The following ARHGAP44 variants were observed in gnomAD, a reference collection of about 807,000 sequenced individuals.
ARHGAP44 encodes rho GTPase-activating protein 44.
ARHGAP44 carries 43 observed loss-of-function variants against 106.8 expected under a neutral mutation model. The observed-to-expected ratio is 0.40, with a 90% CI of 0.32 to 0.52. The LOEUF is 0.52. Ranked by LOEUF, ARHGAP44 falls within the 20% of genes least tolerant of loss-of-function variation. ARHGAP44 has a pLI of 0.48. For missense variants in ARHGAP44, 866 were observed against 1,050.5 expected (o/e 0.82, Z 2.43); for synonymous variants, 439 against 410.3 (o/e 1.07, Z -0.85).
intron 6 of ARHGAP44, among the ~76,000 whole-genome samples, chr17:12,923,742 C>T (rs2038153822): frequency 6.6e-6 from 1 of 152,194 alleles, no homozygotes; most frequent in Non-Finnish European, 1.5e-5. Context: ...CTGAGTCTAC[C>T]TGTCTTGTAG....
intron 3 of ARHGAP44, among the ~76,000 whole-genome samples, chr17:12,904,324 T>C (rs1475500055): frequency 6.6e-6 from 1 of 152,198 alleles, no homozygotes; most frequent in Non-Finnish European, 1.5e-5. Context: ...GCCAGGATGG[T>C]CTCAATCTCT....
intron 1 of ARHGAP44, among the ~76,000 whole-genome samples, chr17:12,855,016 T>A (rs2035867738): frequency 6.7e-6 from 1 of 148,402 alleles, no homozygotes; most frequent in Non-Finnish European, 1.5e-5. Flanking sequence ...CATGTCTGTA[T>A]ATGTATATAG....
intron 3 of ARHGAP44, among the ~76,000 whole-genome samples, chr17:12,903,706 T>G (rs2037464336): frequency 6.6e-6 from 1 of 152,198 alleles, no homozygotes; most frequent in Admixed American, 6.5e-5. Flanking sequence ...ACCTGAGTAG[T>G]GTACACTGTA....
At chr17:12,962,266 C>T (rs1433806326) in intron 16 of ARHGAP44, among the ~76,000 whole-genome samples, 5 of 152,076 alleles carry the variant, frequency 3.3e-5, no homozygotes, top group African/African-American at 7.2e-5. Context: ...ACTTCCCTCG[C>T]GACTCTGGGC....
intron 1 of ARHGAP44, among the ~76,000 whole-genome samples, chr17:12,828,665 A>G (rs1001776001): frequency 7.6e-6 from 1 of 132,014 alleles, no homozygotes; most frequent in Non-Finnish European, 1.6e-5. Context: ...TTTTAAAGAC[A>G]GAGTCTCTCT....
At chr17:12,841,396 C>T (rs772103154) in intron 1 of ARHGAP44, among the ~76,000 whole-genome samples, 10 of 151,670 alleles carry the variant, frequency 6.6e-5, no homozygotes, top group Admixed American at 2.6e-4. Context: ...CTCAGGAGTC[C>T]GAGACCAGCC....
chr17:12,956,498 GA>G (rs1193689930), intron 14 of ARHGAP44, among the ~76,000 whole-genome samples, 156 bp from the exon 15 acceptor site: 1 of 152,192 alleles, frequency 6.6e-6, no homozygotes, highest in Non-Finnish European at 1.5e-5. Flanking sequence ...TCAGAAAGGT[GA>G]AGATTCCCTC....
chr17:12,864,914 A>G (rs569850237), intron 1 of ARHGAP44, among the ~76,000 whole-genome samples: 23 of 152,320 alleles, frequency 1.5e-4, no homozygotes, highest in African/African-American at 4.8e-4. Flanking sequence ...TCTTTTTCCC[A>G]TAGAATAAAG....
At chr17:12,893,635 A>G (rs1236236792) in intron 1 of ARHGAP44, among the ~76,000 whole-genome samples, 1 of 152,136 alleles carries the variant, frequency 6.6e-6, no homozygotes, top group Non-Finnish European at 1.5e-5. Flanking sequence ...GGTGGTTGTT[A>G]CAGCCTGGTA....
chr17:12,990,188 C>A lies in ARHGAP44; in HGVS notation c.*17C>A. ...GCCCTCTGACATGACACCGCCCATC[C>A]TGCCTCGCGTGTACATACATCACGG... On this transcript the variant is annotated 3_prime_UTR_variant, in exon 21 of 21. Transcript: ENST00000379672. 6.2e-7 allele frequency: 1 copy of A among 1,607,176 alleles called. No individual in the cohort carries two copies. The highest frequency in any genetic ancestry group is 1.1e-5 in the South Asian group (1 of 90,878).
At position 12,802,948 on chromosome 17, in the gene ARHGAP44, TATATATATA is replaced by T. The variant is rs2034148637; in HGVS notation, c.53+13058_53+13066del. On this transcript the variant is annotated intron_variant, in intron 1 of 20. Transcript: ENST00000379672. ...TAATTTATATATATATATATATATA[TATATATATA>T]TATATATATATATTTTTTTTTTTTT... is the stretch of plus-strand genomic sequence containing the variant. 2.5e-4 allele frequency among the ~76,000 whole-genome samples: 9 copies of T among 36,222 alleles called. 1 individual carries two copies. The highest frequency in any genetic ancestry group is 8.2e-4 in the African/African-American group (7 of 8,560). 23.8% of individuals were successfully genotyped at this position (36,222 alleles called of 152,430 possible).
intron 1 of ARHGAP44, among the ~76,000 whole-genome samples, chr17:12,846,218 T>C (rs1377738859): frequency 6.6e-6 from 1 of 152,226 alleles, no homozygotes; most frequent in Admixed American, 6.5e-5. Flanking sequence ...CTGTCAATAA[T>C]TTATCAACTA....
intron 18 of ARHGAP44, among the ~76,000 whole-genome samples, chr17:12,978,437 C>A (rs984573931): frequency 2.0e-5 from 3 of 152,252 alleles, no homozygotes; most frequent in African/African-American, 7.2e-5. Flanking sequence ...GTGTAAGACT[C>A]ATCCCAAGTG....
chr17:12,820,859 A>G (rs1460726552), intron 1 of ARHGAP44, among the ~76,000 whole-genome samples: 1 of 152,192 alleles, frequency 6.6e-6, no homozygotes, highest in Admixed American at 6.6e-5. Context: ...TCTCGGAAGA[A>G]CAACCTTTGT....
intron 1 of ARHGAP44, among the ~76,000 whole-genome samples, chr17:12,805,077 T>C (rs2034232363): frequency 6.6e-6 from 1 of 152,196 alleles, no homozygotes; most frequent in Non-Finnish European, 1.5e-5. Flanking sequence ...GAGGTGTTCA[T>C]GGCATGATGA....
intron 8 of ARHGAP44, among the ~76,000 whole-genome samples, chr17:12,942,119 C>T (rs538500940): frequency 1.3e-5 from 2 of 152,178 alleles, no homozygotes; most frequent in African/African-American, 2.4e-5. Context: ...TGCATTACTT[C>T]CAACTTGGAA....
chr17:12,850,670 T>G (rs2035714446), intron 1 of ARHGAP44, among the ~76,000 whole-genome samples: 1 of 152,166 alleles, frequency 6.6e-6, no homozygotes, highest in South Asian at 2.1e-4. Context: ...GATCTCCCGC[T>G]GATGTCCACC....
At chr17:12,903,104 GA>G (rs1467320119) in intron 3 of ARHGAP44, among the ~76,000 whole-genome samples, 4 of 117,110 alleles carry the variant, frequency 3.4e-5, no homozygotes, top group East Asian at 6.1e-4. Context: ...GAGAGAGAGA[GA>G]GAGAGAGAGA....
At chr17:12,867,677 C>T (rs2036272254) in intron 1 of ARHGAP44, among the ~76,000 whole-genome samples, 1 of 152,176 alleles carries the variant, frequency 6.6e-6, no homozygotes, top group African/African-American at 2.4e-5. Flanking sequence ...TTACACGTTA[C>T]ACAGAGTCAC....
Sources: gnomAD v4.1 joint callset for allele counts (sites outside exome capture counted in the v4.1 genomes callset) on GRCh38, gnomAD v4.1.1 for gene constraint, MANE v1.5 for transcripts, NCBI Gene and HGNC (gene_info 2026-07-23, HGNC 2026-07-21) for gene names.